Variants in LRP1B observed in about 807,000 individuals in gnomAD.
The protein encoded by LRP1B is LDL receptor related protein 1B.
Under a neutral mutation model 556.6 loss-of-function variants are expected in LRP1B, and 217 were observed. That is an observed-to-expected ratio of 0.39 (90% CI 0.35 to 0.44). LRP1B has a LOEUF of 0.44. LRP1B is among the 20% of genes least tolerant of loss of function. LRP1B has a pLI of 1.00. For missense variants in LRP1B, 5,053 were observed against 5,620.8 expected (o/e 0.90, Z 3.23); for synonymous variants, 2,047 against 1,865.8 (o/e 1.10, Z -2.50).
chr2:141,897,053 A>G (rs1203522672), intron 1 of LRP1B, among the ~76,000 whole-genome samples: 2 of 152,150 alleles, frequency 1.3e-5, no homozygotes, highest in Admixed American at 1.3e-4. Flanking sequence ...CATAAATTAC[A>G]TGTTCATAGG....
intron 7 of LRP1B, among the ~76,000 whole-genome samples, chr2:141,091,802 C>T (rs1700178272): frequency 6.6e-6 from 1 of 152,102 alleles, no homozygotes; most frequent in Non-Finnish European, 1.5e-5. Context: ...CAATGAGAAG[C>T]AAAAGTACAC....
chr2:142,085,002 A>G (rs989632188), intron 1 of LRP1B, among the ~76,000 whole-genome samples: 1 of 152,180 alleles, frequency 6.6e-6, no homozygotes, highest in African/African-American at 2.4e-5. Context: ...TTTATAGAAT[A>G]AAGTCCAAGC....
intron 2 of LRP1B, among the ~76,000 whole-genome samples, chr2:141,653,970 G>C (rs996742365): frequency 6.6e-6 from 1 of 152,122 alleles, no homozygotes; most frequent in Non-Finnish European, 1.5e-5. Flanking sequence ...AATAATTACA[G>C]AGTTGTTTTT....
chr2:140,738,789 G>C (rs1168274122), intron 35 of LRP1B, among the ~76,000 whole-genome samples: 1 of 152,144 alleles, frequency 6.6e-6, no homozygotes, highest in East Asian at 1.9e-4. Flanking sequence ...ACATGTCTAA[G>C]ATATGAATAT....
intron 1 of LRP1B, among the ~76,000 whole-genome samples, chr2:141,844,792 C>T (rs994480051): frequency 6.6e-6 from 1 of 151,606 alleles, no homozygotes; most frequent in African/African-American, 2.4e-5. Flanking sequence ...ATTTAAGGTG[C>T]TAAATATTGA....
chr2:141,815,881 C>A (rs1217842656), intron 1 of LRP1B, among the ~76,000 whole-genome samples: 2 of 151,344 alleles, frequency 1.3e-5, no homozygotes, highest in East Asian at 3.9e-4. Context: ...GTCAGCGAGA[C>A]CGTGAACCCA....
At chr2:141,284,363 G>A (rs188794554) in intron 3 of LRP1B, among the ~76,000 whole-genome samples, 126 of 152,298 alleles carry the variant, frequency 8.3e-4, no homozygotes, top group Middle Eastern at 3.4e-3. Context: ...TAAAACAACA[G>A]TTTAGAAAGA....
At chr2:141,813,059 T>C (rs1356939295) in intron 1 of LRP1B, among the ~76,000 whole-genome samples, 1 of 152,096 alleles carries the variant, frequency 6.6e-6, no homozygotes, top group Non-Finnish European at 1.5e-5. Flanking sequence ...ACAGAATGTT[T>C]TACAAAAAGC....
At chr2:141,995,934 A>G (rs968492158) in intron 1 of LRP1B, among the ~76,000 whole-genome samples, 1 of 152,182 alleles carries the variant, frequency 6.6e-6, no homozygotes, top group Non-Finnish European at 1.5e-5. Context: ...AAGAAAAAGG[A>G]TACTAATGAT....
At chr2:141,338,451 G>T (rs1454697996) in intron 3 of LRP1B, among the ~76,000 whole-genome samples, 3 of 152,078 alleles carry the variant, frequency 2.0e-5, no homozygotes, top group Non-Finnish European at 4.4e-5. Flanking sequence ...GTCAGGTCAG[G>T]GGTTGCTGGA....
In LRP1B at chr2:141,611,160, C is replaced by T. The variant is rs112317162; in HGVS notation, c.206-130627G>A. On this transcript the variant is annotated intron_variant, in intron 2 of 90. Coordinates refer to ENST00000389484, the MANE Select transcript of LRP1B (RefSeq NM_018557.3). ...TAGAATAATGACAGAAATCTTTTAA[C>T]CGTGGTTTCCCATAGTTAAAGGAGC... Among the ~76,000 whole-genome samples, 234 of 152,290 alleles carry T rather than the reference C, an allele frequency of 1.5e-3. 2 individuals are homozygous for T. Among genetic ancestry groups the T allele is most frequent in the African/African-American group, 5.5e-3 (230 of 41,560 alleles).
intron 11 of LRP1B, among the ~76,000 whole-genome samples, chr2:141,027,705 A>G (rs2105408696): frequency 6.6e-6 from 1 of 152,278 alleles, no homozygotes; most frequent in East Asian, 1.9e-4. Flanking sequence ...GCAATGGACT[A>G]AATGTTTGTG....
rs546464333 is a variant in LRP1B, at chr2:140,521,088, G to T, written c.8027-4077C>A. On this transcript the variant is annotated intron_variant, in intron 49 of 90. Coordinates refer to ENST00000389484, the MANE Select transcript of LRP1B (RefSeq NM_018557.3). ...AAATCTATGACTTATTGAGATTCAT[G>T]AGAGAGAAGAGAAAGTATGCAACTT... 3.9e-5 allele frequency among the ~76,000 whole-genome samples: 6 copies of T among 152,108 alleles called. No homozygotes were observed. In the East Asian group the frequency reaches 9.7e-4, roughly 25 times the overall value.
At position 140,883,082 on chromosome 2, in the gene LRP1B, A is replaced by G. The variant is rs151150656; in HGVS notation, c.4169+735T>C. On this transcript the variant is annotated intron_variant, in intron 25 of 90. Transcript: ENST00000389484. ...AGGAAGATGTTATTATCCCCAATTCATAGAATAGAAACCTGAAATCTAAGG... is the reference window on the plus strand; with the variant it reads ...AGGAAGATGTTATTATCCCCAATTCGTAGAATAGAAACCTGAAATCTAAGG... Among the ~76,000 whole-genome samples, 34 of 152,300 alleles carry G rather than the reference A, an allele frequency of 2.2e-4. 3 individuals carry two copies. The Middle Eastern group carries it at 0.034, about 152-fold the overall frequency.
intron 2 of LRP1B, among the ~76,000 whole-genome samples, chr2:141,646,011 C>T (rs2105371783): frequency 6.6e-6 from 1 of 152,230 alleles, no homozygotes; most frequent in Middle Eastern, 3.4e-3. Context: ...CAGAAACTTT[C>T]TGCCAGCATT....
intron 7 of LRP1B, among the ~76,000 whole-genome samples, chr2:141,166,877 A>G (rs1171835521): frequency 1.1e-5 from 1 of 87,734 alleles, no homozygotes; most frequent in Non-Finnish European, 2.7e-5. Flanking sequence ...ACAATTTTAG[A>G]AAAATGTTTT....
Position 141,311,459 on chromosome 2 carries a change from G to T in LRP1B, c.344-56818C>A, listed in dbSNP as rs557593172. Among the ~76,000 whole-genome samples the T allele has an allele frequency of 2.0e-5, 3 of 152,062 alleles. No individual in the cohort carries two copies. The East Asian group carries it at 5.8e-4, about 29-fold the overall frequency. On this transcript the variant is annotated intron_variant, in intron 3 of 90. Coordinates refer to ENST00000389484, the MANE Select transcript of LRP1B (RefSeq NM_018557.3). ...ATTAGTGAGCTGGGTTTTTTTCAAG[G>T]CTCCACTATAGGCTGAATAGTTGTT...
chr2:141,195,047 C>T (rs1681695031), intron 6 of LRP1B, among the ~76,000 whole-genome samples: 1 of 152,096 alleles, frequency 6.6e-6, no homozygotes, highest in Admixed American at 6.6e-5. Flanking sequence ...AGAGATGAAG[C>T]TTAATTCTCC....
intron 1 of LRP1B, among the ~76,000 whole-genome samples, chr2:142,033,018 G>T (rs369695165): frequency 2.6e-5 from 4 of 151,686 alleles, no homozygotes; most frequent in African/African-American, 9.7e-5. Flanking sequence ...CGCCACTTTA[G>T]TTTTTTTCTA....
Sources: gnomAD v4.1 joint callset for allele counts (sites outside exome capture counted in the v4.1 genomes callset) on GRCh38, gnomAD v4.1.1 for gene constraint, MANE v1.5 for transcripts, NCBI Gene and HGNC (gene_info 2026-07-23, HGNC 2026-07-21) for gene names.